The following NFIB variants were observed in gnomAD, a reference collection of about 807,000 sequenced individuals.
NFIB encodes nuclear factor I B.
In NFIB, 11 loss-of-function variants were observed where a neutral mutation model predicts 61.5. That is an observed-to-expected ratio of 0.18 (90% confidence interval 0.11 to 0.30). The LOEUF is 0.30. NFIB is among the 10% of genes least tolerant of loss of function. The probability of loss-of-function intolerance (pLI) is 1.00; values close to 1 mark genes in which losing one functional copy is unlikely to be tolerated. For missense variants in NFIB, 471 were observed against 608.9 expected (o/e 0.77, Z 2.38); for synonymous variants, 260 against 216.5 (o/e 1.20, Z -1.76).
At chr9:14,333,238 G>A (rs934470269) in intron 1 of NFIB, among the ~76,000 whole-genome samples, 2 of 152,186 alleles carry the variant, frequency 1.3e-5, no homozygotes, top group African/African-American at 4.8e-5. Context: ...TATTACAGGT[G>A]TAATCTTGTC....
At chr9:14,452,640 G>T in the NFIB span, among the ~76,000 whole-genome samples, 1 of 152,120 alleles carries the variant, frequency 6.6e-6, no homozygotes, top group Non-Finnish European at 1.5e-5. Flanking sequence ...TCGACCCTGG[G>T]ACTTCATATT....
chr9:14,201,965 A>G (rs775019814), intron 2 of NFIB, among the ~76,000 whole-genome samples: 23 of 152,198 alleles, frequency 1.5e-4, no homozygotes, highest in Non-Finnish European at 3.1e-4. Flanking sequence ...AGTCTACAAC[A>G]GTCAATAAAA....
intron 2 of NFIB, among the ~76,000 whole-genome samples, chr9:14,190,041 T>C (rs899008028): frequency 4.6e-5 from 7 of 152,130 alleles, no homozygotes; most frequent in Non-Finnish European, 7.3e-5. Flanking sequence ...CATAGGCATA[T>C]GTTCCTAAAA....
intron 3 of NFIB, among the ~76,000 whole-genome samples, chr9:14,158,499 C>G (rs1377614068): frequency 2.0e-5 from 3 of 152,232 alleles, no homozygotes; most frequent in African/African-American, 7.2e-5. Context: ...GCTGGATTAT[C>G]AGATCCTTTA....
intron 1 of NFIB, among the ~76,000 whole-genome samples, chr9:14,387,498 A>T (rs1352413457): frequency 6.6e-6 from 1 of 152,246 alleles, no homozygotes; most frequent in African/African-American, 2.4e-5. Flanking sequence ...GAATACATAC[A>T]GTCATTAAAA....
the NFIB span, among the ~76,000 whole-genome samples, chr9:14,462,657 C>T: frequency 2.0e-5 from 3 of 152,092 alleles, no homozygotes; most frequent in Admixed American, 6.5e-5. Flanking sequence ...ACAGGACTAT[C>T]GAATTCTTAT....
chr9:14,191,805 T>C (rs533859136), intron 2 of NFIB, among the ~76,000 whole-genome samples: 8 of 152,336 alleles, frequency 5.3e-5, no homozygotes, highest in Admixed American at 3.9e-4. Flanking sequence ...ATAAAGATTA[T>C]TTTCATTGCA....
chr9:14,512,311 G>T, the NFIB span, among the ~76,000 whole-genome samples: 1 of 152,130 alleles, frequency 6.6e-6, no homozygotes, highest in Non-Finnish European at 1.5e-5. Flanking sequence ...GTACAGAAAT[G>T]TAATTTTGAG....
intron 2 of NFIB, among the ~76,000 whole-genome samples, chr9:14,294,537 G>A (rs1375767407): frequency 1.3e-5 from 2 of 152,074 alleles, no homozygotes; most frequent in Non-Finnish European, 2.9e-5. Flanking sequence ...TATGATTTTC[G>A]AGTTTTGTGT....
At chr9:14,452,481 G>T in the NFIB span, among the ~76,000 whole-genome samples, 5 of 69,280 alleles carry the variant, frequency 7.2e-5, 1 homozygote, top group South Asian at 1.2e-3. Flanking sequence ...GGAAAGGAAA[G>T]GAAAGGAAAG....
At chr9:14,169,754 G>T (rs1341902842) in intron 3 of NFIB, among the ~76,000 whole-genome samples, 1 of 152,214 alleles carries the variant, frequency 6.6e-6, no homozygotes, top group Non-Finnish European at 1.5e-5. Context: ...GGAGGCAAAA[G>T]TTGCAGTGAG....
intron 10 of NFIB, among the ~76,000 whole-genome samples, chr9:14,098,135 C>CA (rs1240730504): frequency 2.0e-5 from 3 of 152,100 alleles, no homozygotes; most frequent in Admixed American, 2.0e-4. Context: ...CGCAGAAACA[C>CA]AAAAATCCTC....
intron 1 of NFIB, among the ~76,000 whole-genome samples, chr9:14,367,463 A>C (rs2061313579): frequency 6.6e-6 from 1 of 152,026 alleles, no homozygotes; most frequent in African/African-American, 2.4e-5. Flanking sequence ...AGAAGGGCAC[A>C]TCTGAGATCT....
the NFIB span, among the ~76,000 whole-genome samples, chr9:14,443,635 C>T: frequency 6.6e-6 from 1 of 152,244 alleles, no homozygotes; most frequent in African/African-American, 2.4e-5. Flanking sequence ...GATATCTCTT[C>T]ATCTTTACTT....
At chr9:14,297,624 G>T (rs901239715) in intron 2 of NFIB, among the ~76,000 whole-genome samples, 1 of 152,228 alleles carries the variant, frequency 6.6e-6, no homozygotes, top group East Asian at 1.9e-4. Context: ...AGGTTCTAGC[G>T]CCTGTAGCAC....
intron 2 of NFIB, among the ~76,000 whole-genome samples, chr9:14,235,746 G>A (rs1033619377): frequency 1.1e-4 from 16 of 152,166 alleles, no homozygotes; most frequent in African/African-American, 3.9e-4. Flanking sequence ...TCGTCCAGAA[G>A]CATCACTAGG....
At chr9:14,518,643 G>C in the NFIB span, among the ~76,000 whole-genome samples, 3 of 151,296 alleles carry the variant, frequency 2.0e-5, no homozygotes, top group Admixed American at 1.3e-4. Context: ...CTGGGCTCAA[G>C]ACTACGGAAA....
At chr9:14,255,817 A>G (rs748783753) in intron 2 of NFIB, among the ~76,000 whole-genome samples, 1 of 152,260 alleles carries the variant, frequency 6.6e-6, no homozygotes, top group Non-Finnish European at 1.5e-5. Context: ...TATAAGAGAA[A>G]TGATCAAATA....
intron 2 of NFIB, chr9:14,204,918 A>G (rs969439847): frequency 1.4e-5 from 5 of 360,566 alleles, no homozygotes; most frequent in Non-Finnish European, 2.7e-5. Context: ...ATCAGAACCA[A>G]TTACAACGAC....
Sources: gnomAD v4.1 joint callset for allele counts (sites outside exome capture counted in the v4.1 genomes callset) on GRCh38, gnomAD v4.1.1 for gene constraint, MANE v1.5 for transcripts, NCBI Gene and HGNC (gene_info 2026-07-23, HGNC 2026-07-21) for gene names.